Variants in WNK3 observed in about 807,000 individuals in gnomAD.
WNK3 encodes WNK lysine deficient protein kinase 3.
Under a neutral mutation model 116.7 loss-of-function variants are expected in WNK3, and 18 were observed. The ratio of observed to expected loss-of-function variants is 0.15; its 90% confidence interval spans 0.11 to 0.23. The LOEUF (loss-of-function observed/expected upper bound fraction) is 0.23, where lower values mean the gene tolerates loss of function less well. WNK3 is among the 10% of genes least tolerant of loss of function. WNK3 has a pLI of 1.00. For missense variants in WNK3, 993 were observed against 1,323.8 expected, an observed-to-expected ratio of 0.75 and a Z score of 3.88; for synonymous variants, 404 against 469.4, an observed-to-expected ratio of 0.86 and a Z score of 1.80.
intron 11 of WNK3, among the ~76,000 whole-genome samples, chrX:54,258,105 C>T (rs2068215044): frequency 9.3e-6 from 1 of 107,489 alleles, no homozygotes; most frequent in Non-Finnish European, 1.9e-5. Context: ...TGGTGAAACC[C>T]TGTCTCTACT....
intron 6 of WNK3, among the ~76,000 whole-genome samples, chrX:54,299,483 C>A (rs1393277416): frequency 1.1e-5 from 1 of 89,998 alleles, no homozygotes; most frequent in African/African-American, 4.8e-5. Context: ...GGAGTGCAGT[C>A]GCGTGATCTT....
chrX:54,196,804 A>G (rs2067447543), exon 24 of WNK3: 1 of 111,533 alleles, frequency 9.0e-6, no homozygotes, highest in African/African-American at 3.3e-5. Flanking sequence ...ACATTTTGAC[A>G]TTGCCTCCCC....
chrX:54,270,855 A>C (rs1342607909), intron 10 of WNK3, among the ~76,000 whole-genome samples: 1 of 111,114 alleles, frequency 9.0e-6, no homozygotes, highest in Non-Finnish European at 1.9e-5. Context: ...TTCCTGTGTT[A>C]GTTTGCTGAG....
At chrX:54,265,266 C>A (rs1603385074) in intron 10 of WNK3, among the ~76,000 whole-genome samples, 3 of 110,977 alleles carry the variant, frequency 2.7e-5, no homozygotes. Flanking sequence ...GCAGGCGAAT[C>A]ATTTGAGGTG....
exon 24 of WNK3, chrX:54,198,567 T>C: frequency 8.3e-7 from 1 of 1,210,311 alleles, no homozygotes; most frequent in Non-Finnish European, 1.1e-6. Context: ...GTGAGAGTCC[T>C]TGTGGCAAGG....
At chrX:54,336,943 T>A (rs1473909960) in intron 1 of WNK3, among the ~76,000 whole-genome samples, 1 of 111,655 alleles carries the variant, frequency 9.0e-6, no homozygotes, top group East Asian at 2.8e-4. Flanking sequence ...AAGGTCTCTA[T>A]GAGGTTACAT....
chrX:54,314,204 CAAAAA>C (rs1302269954), intron 2 of WNK3, among the ~76,000 whole-genome samples: 1 of 78,349 alleles, frequency 1.3e-5, no homozygotes, highest in Non-Finnish European at 2.5e-5. Context: ...AAAAAAAAAA[CAAAAA>C]AAAAAAAAAC....
intron 13 of WNK3, 149 bp from the exon 14 acceptor site, chrX:54,251,836 T>C: frequency 2.2e-6 from 1 of 457,387 alleles, no homozygotes; most frequent in Non-Finnish European, 3.4e-6. Flanking sequence ...GAGGCTGAGG[T>C]GGGTGGATCA....
chrX:54,244,926 T>C (rs1351990174), intron 17 of WNK3, among the ~76,000 whole-genome samples: 1 of 111,196 alleles, frequency 9.0e-6, no homozygotes, highest in African/African-American at 3.3e-5. Flanking sequence ...TCTAGGCATG[T>C]CCCTAACCTT....
exon 23 of WNK3, chrX:54,201,998 A>G: frequency 8.3e-7 from 1 of 1,210,135 alleles, no homozygotes; most frequent in Non-Finnish European, 1.1e-6. Context: ...TACTTCAGAT[A>G]CTTTATTCCA....
At chrX:54,226,145 C>T (rs1265088530) in intron 22 of WNK3, among the ~76,000 whole-genome samples, 15 of 97,917 alleles carry the variant, frequency 1.5e-4, no homozygotes, top group African/African-American at 5.6e-4. Flanking sequence ...TAACTCACAC[C>T]ATATGCACAA....
At chrX:54,237,128 C>T in exon 20 of WNK3, 1 of 1,211,829 alleles carries the variant, frequency 8.3e-7, no homozygotes, top group Non-Finnish European at 1.1e-6. Context: ...CCACTGCCAG[C>T]AAGACTGGCT....
At chrX:54,231,948 TTCAAAG>T (rs2067903114) in intron 21 of WNK3, among the ~76,000 whole-genome samples, 1 of 110,455 alleles carries the variant, frequency 9.1e-6, no homozygotes, top group African/African-American at 3.3e-5. Flanking sequence ...GCTCTTATTT[TTCAAAG>T]TCAAAGAAGT....
At chrX:54,201,786 C>G (rs1272350962) in intron 23 of WNK3, among the ~76,000 whole-genome samples, 6 of 111,790 alleles carry the variant, frequency 5.4e-5, no homozygotes, top group Non-Finnish European at 9.4e-5. Flanking sequence ...TATTAACTAA[C>G]TGGCTCCTTC....
intron 22 of WNK3, among the ~76,000 whole-genome samples, chrX:54,203,879 G>A (rs782544682): frequency 4.5e-5 from 5 of 109,973 alleles, no homozygotes; most frequent in South Asian, 8.1e-4. Context: ...CCAGGGAGGC[G>A]GAGGTTGCAG....
At chrX:54,356,294 T>C (rs187557908) in intron 1 of WNK3, among the ~76,000 whole-genome samples, 119 of 111,317 alleles carry the variant, frequency 1.1e-3, no homozygotes, top group African/African-American at 3.6e-3. Flanking sequence ...AATGTACAAT[T>C]ATTTTAGTTC....
chrX:54,357,536 C>A, intron 1 of WNK3, 150 bp downstream of exon 1: 1 of 113,136 alleles, frequency 8.8e-6, no homozygotes. Flanking sequence ...TCAAGCCGCC[C>A]CCCGCTAGGG....
chrX:54,339,302 A>G (rs2069287528), intron 1 of WNK3, among the ~76,000 whole-genome samples: 1 of 111,522 alleles, frequency 9.0e-6, no homozygotes, highest in Admixed American at 9.7e-5. Flanking sequence ...CAACAAGTAT[A>G]TGGAAAACTT....
intron 10 of WNK3, among the ~76,000 whole-genome samples, chrX:54,280,939 G>A (rs1557162248): frequency 9.1e-6 from 1 of 109,568 alleles, no homozygotes; most frequent in Non-Finnish European, 1.9e-5. Context: ...TAAAATAAAA[G>A]TTGAAAAATT....
Sources: gnomAD v4.1 joint callset for allele counts (sites outside exome capture counted in the v4.1 genomes callset) on GRCh38, gnomAD v4.1.1 for gene constraint, MANE v1.5 for transcripts, NCBI Gene and HGNC (gene_info 2026-07-23, HGNC 2026-07-21) for gene names.